KPNA1: variants seen among roughly 807,000 people sequenced by gnomAD.
KPNA1 encodes importin subunit alpha-5.
Under a neutral mutation model 70.5 loss-of-function variants are expected in KPNA1, and 10 were observed. The ratio of observed to expected loss-of-function variants is 0.14; its 90% confidence interval spans 0.09 to 0.24. The LOEUF (loss-of-function observed/expected upper bound fraction) is 0.24, where lower values mean the gene tolerates loss of function less well. Ranked by LOEUF, KPNA1 falls within the 10% of genes least tolerant of loss-of-function variation. The probability of loss-of-function intolerance (pLI) is 1.00; values close to 1 mark genes in which losing one functional copy is unlikely to be tolerated. For missense variants in KPNA1, 397 were observed against 637.9 expected, an observed-to-expected ratio of 0.62 and a Z score of 4.07; for synonymous variants, 192 against 221.9, an observed-to-expected ratio of 0.87 and a Z score of 1.20.
intron 9 of KPNA1, among the ~76,000 whole-genome samples, chr3:122,445,012 G>C (rs1376235530): frequency 6.6e-6 from 1 of 152,200 alleles, no homozygotes; most frequent in African/African-American, 2.4e-5. Context: ...AAAGATCGCA[G>C]CTTCTCGCCA....
chr3:122,447,299 C>T (rs1020709896), intron 9 of KPNA1, among the ~76,000 whole-genome samples: 19 of 152,196 alleles, frequency 1.2e-4, no homozygotes, highest in Non-Finnish European at 2.1e-4. Context: ...CCGAATCCAG[C>T]AGCATGTCAA....
At chr3:122,428,637 T>G (rs2075855688) in intron 12 of KPNA1, among the ~76,000 whole-genome samples, 1 of 152,224 alleles carries the variant, frequency 6.6e-6, no homozygotes, top group South Asian at 2.1e-4. Flanking sequence ...GATGATAAAA[T>G]GAACAATTTC....
chr3:122,479,575 C>A (rs538392981), intron 2 of KPNA1, among the ~76,000 whole-genome samples: 5 of 152,022 alleles, frequency 3.3e-5, no homozygotes, highest in African/African-American at 1.2e-4. Context: ...GCCTGAGCAA[C>A]ATGGTGAAAC....
chr3:122,491,453 T>G (rs2076696804), intron 2 of KPNA1, among the ~76,000 whole-genome samples: 1 of 152,154 alleles, frequency 6.6e-6, no homozygotes, highest in South Asian at 2.1e-4. Context: ...ATTAATGCAG[T>G]GATAAAAACT....
At chr3:122,469,103 C>T (rs989774926) in intron 2 of KPNA1, among the ~76,000 whole-genome samples, 1 of 152,090 alleles carries the variant, frequency 6.6e-6, no homozygotes, top group Non-Finnish European at 1.5e-5. Context: ...CTCATTAATG[C>T]AGGGCTCCAT....
intron 5 of KPNA1, chr3:122,460,219 AG>A (rs2076308723): frequency 2.2e-5 from 22 of 985,394 alleles, no homozygotes; most frequent in Non-Finnish European, 2.5e-5. Flanking sequence ...TGGTTACTCC[AG>A]GGAAGTTTAC....
chr3:122,496,414 A>C, intron 2 of KPNA1, 23 bp downstream of exon 2: 1 of 1,604,828 alleles, frequency 6.2e-7, no homozygotes, highest in East Asian at 2.2e-5. Flanking sequence ...TTTAAAAGAA[A>C]TGAATAAAGG....
chr3:122,449,820 A>G (rs899598790), intron 8 of KPNA1, 83 bp from the exon 9 acceptor site: 16 of 1,135,926 alleles, frequency 1.4e-5, no homozygotes, highest in Non-Finnish European at 2.0e-5. Flanking sequence ...GCAACCAGGC[A>G]TGTACTTGGT....
intron 2 of KPNA1, among the ~76,000 whole-genome samples, chr3:122,478,308 G>A (rs2076528159): frequency 6.6e-6 from 1 of 151,888 alleles, no homozygotes; most frequent in Non-Finnish European, 1.5e-5. Flanking sequence ...TAACCCAAAA[G>A]GAATCACAGA....
At chr3:122,432,514 G>A (rs1438305955) in intron 12 of KPNA1, 1 of 152,124 alleles carries the variant, frequency 6.6e-6, no homozygotes, top group Non-Finnish European at 1.5e-5. Context: ...AGTCCACAAA[G>A]CAACAATGTA....
At chr3:122,452,156 A>G in intron 6 of KPNA1, 92 bp from the exon 7 acceptor site, 1 of 826,988 alleles carries the variant, frequency 1.2e-6, no homozygotes, top group East Asian at 2.5e-5. Context: ...CACGTTCATC[A>G]GGGAGTCAAA....
chr3:122,475,289 T>G (rs1272876061), intron 2 of KPNA1, among the ~76,000 whole-genome samples: 1 of 152,090 alleles, frequency 6.6e-6, no homozygotes, highest in African/African-American at 2.4e-5. Flanking sequence ...TACTTAGGAA[T>G]AAATTTAGCC....
chr3:122,495,440 G>A (rs536480381), intron 2 of KPNA1, among the ~76,000 whole-genome samples: 1 of 152,056 alleles, frequency 6.6e-6, no homozygotes, highest in East Asian at 1.9e-4. Flanking sequence ...TCAATATAAA[G>A]TCTATTACAA....
In KPNA1 at chr3:122,467,374, A is replaced by G. The variant is rs771734934; in HGVS notation, c.185T>C (p.Met62Thr). The change falls in exon 3 of 14, where the codon ATG becomes ACG. Residue 62 changes from methionine to threonine, a missense_variant. By Grantham distance (81) the Met-to-Thr change is moderately conservative. Transcript: ENST00000344337. ...TAEEETEEEV[M>T]SDGGFHEAQI... Reference sequence around the variant, plus strand: ...AGCCTCATGAAAGCCTCCATCTGACATAACTTCTTCTTCTGTTTCTTCTTC... The same window carrying G: ...AGCCTCATGAAAGCCTCCATCTGACGTAACTTCTTCTTCTGTTTCTTCTTC... 5.0e-6 allele frequency: 8 copies of G among 1,610,816 alleles called. No individual in the cohort carries two copies. The Admixed American group carries it at 6.7e-5, about 13-fold the overall frequency.
intron 2 of KPNA1, among the ~76,000 whole-genome samples, chr3:122,493,382 C>A (rs1009727770): frequency 2.0e-5 from 3 of 151,530 alleles, no homozygotes; most frequent in African/African-American, 7.3e-5. Context: ...ATGTGTAGCT[C>A]CCAGCCATAT....
intron 3 of KPNA1, among the ~76,000 whole-genome samples, chr3:122,466,715 G>GT (rs1289961733): frequency 6.6e-6 from 1 of 152,092 alleles, no homozygotes; most frequent in African/African-American, 2.4e-5. Flanking sequence ...TTTCTTTAAA[G>GT]TATCTCTTAT....
intron 1 of KPNA1, among the ~76,000 whole-genome samples, chr3:122,512,395 G>C (rs2076964562): frequency 6.6e-6 from 1 of 152,202 alleles, no homozygotes; most frequent in Non-Finnish European, 1.5e-5. Flanking sequence ...TCATAGTTCT[G>C]TGAAGAAACT....
chr3:122,497,646 T>G (rs1462688623), intron 1 of KPNA1, among the ~76,000 whole-genome samples: 1 of 152,204 alleles, frequency 6.6e-6, no homozygotes, highest in African/African-American at 2.4e-5. Context: ...ATTGTGGTTT[T>G]GGTTTGCAAT....
chr3:122,452,521 G>T lies in KPNA1; in HGVS notation c.565-457C>A, dbSNP rs541930723. Among the ~76,000 whole-genome samples the T allele has an allele frequency of 4.5e-4, 21 of 46,224 alleles. No individual in the cohort carries two copies. In the South Asian group the frequency reaches 0.022, roughly 48 times the overall value. 30.3% of individuals were successfully genotyped at this position (46,224 alleles called of 152,430 possible). The stretch of plus-strand genomic sequence containing the variant: ...CAGACGGAAGGAGGGAAGGAGGGAA[G>T]GAGGGAAGGAGGGAAGGAGGGAAGG... On this transcript the variant is annotated intron_variant, in intron 6 of 13. Coordinates refer to ENST00000344337, the MANE Select transcript of KPNA1 (RefSeq NM_002264.4).
Sources: gnomAD v4.1 joint callset for allele counts (sites outside exome capture counted in the v4.1 genomes callset) on GRCh38, gnomAD v4.1.1 for gene constraint, MANE v1.5 for transcripts, NCBI Gene and HGNC (gene_info 2026-07-23, HGNC 2026-07-21) for gene names.